Variants in DPYD observed in about 807,000 individuals in gnomAD.
DPYD encodes dihydropyrimidine dehydrogenase, also known as dihydropyrimidine dehydrogenase [NADP(+)].
Under a neutral mutation model 116.2 loss-of-function variants are expected in DPYD, and 109 were observed. That is an observed-to-expected ratio of 0.94 (90% CI 0.80 to 1.10). The LOEUF is 1.10. Ranked by LOEUF, DPYD falls within the 50% of genes least tolerant of loss-of-function variation. The pLI is 0.00. For synonymous variants in DPYD, 440 were observed against 432.0 expected (o/e 1.02, Z -0.23); for missense variants, 1,302 against 1,254.5 (o/e 1.04, Z -0.57).
intron 3 of DPYD, among the ~76,000 whole-genome samples, chr1:97,762,930 T>A (rs1439230125): frequency 2.6e-5 from 4 of 152,074 alleles, no homozygotes; most frequent in Non-Finnish European, 5.9e-5. Flanking sequence ...ACTTTCTTAA[T>A]CTGTATTAAG....
chr1:97,311,769 T>G (rs1369262602), intron 16 of DPYD, among the ~76,000 whole-genome samples: 1 of 151,822 alleles, frequency 6.6e-6, no homozygotes, highest in Non-Finnish European at 1.5e-5. Flanking sequence ...ACACTAGAGC[T>G]ATATACAATG....
intron 19 of DPYD, among the ~76,000 whole-genome samples, chr1:97,209,025 C>G (rs1659862323): frequency 6.6e-6 from 1 of 151,958 alleles, no homozygotes; most frequent in Non-Finnish European, 1.5e-5. Context: ...GCTCCAGGAC[C>G]AAAATGATCA....
At chr1:97,671,494 C>T (rs1363812515) in intron 8 of DPYD, among the ~76,000 whole-genome samples, 1 of 152,022 alleles carries the variant, frequency 6.6e-6, no homozygotes, top group Non-Finnish European at 1.5e-5. Context: ...TATGTCTTTG[C>T]ATTTTGTCAA....
intron 8 of DPYD, among the ~76,000 whole-genome samples, chr1:97,613,482 T>A (rs1276574624): frequency 6.6e-6 from 1 of 151,930 alleles, no homozygotes; most frequent in Non-Finnish European, 1.5e-5. Flanking sequence ...TATTGGGTGG[T>A]TTCACTCACA....
chr1:97,704,873 T>A (rs2100986156), intron 5 of DPYD, among the ~76,000 whole-genome samples: 1 of 152,140 alleles, frequency 6.6e-6, no homozygotes, highest in South Asian at 2.1e-4. Context: ...CTTGTTAATA[T>A]CAGAAGAGAG....
At chr1:97,723,749 C>T (rs1170561925) in intron 4 of DPYD, among the ~76,000 whole-genome samples, 1 of 151,404 alleles carries the variant, frequency 6.6e-6, no homozygotes. Context: ...ATTAAGCTGT[C>T]AAAGTATAAT....
Position 97,186,662 on chromosome 1 carries a change from A to G in DPYD, c.2622+6407T>C, listed in dbSNP as rs149320399. 8.9e-4 allele frequency among the ~76,000 whole-genome samples: 135 copies of G among 152,256 alleles called. 1 individual carries two copies. Among genetic ancestry groups the G allele is most frequent in the Middle Eastern group, 3.4e-3 (1 of 294 alleles). ...TGAGGAGTTCGAGAACAGCCTGGAC[A>G]ACATGGAGGAACGCTGTCTCTACTA... On this transcript the variant is annotated intron_variant, in intron 20 of 22. Transcript: ENST00000370192.
At chr1:97,464,283 TAAAGA>T (rs1364994259) in intron 13 of DPYD, among the ~76,000 whole-genome samples, 4 of 116,072 alleles carry the variant, frequency 3.4e-5, no homozygotes, top group South Asian at 6.8e-4. Context: ...TAAAATAAAA[TAAAGA>T]AAAGAAAATT....
intron 2 of DPYD, among the ~76,000 whole-genome samples, chr1:97,869,165 A>C (rs1471942647): frequency 1.3e-5 from 2 of 151,806 alleles, no homozygotes; most frequent in Admixed American, 1.3e-4. Context: ...GATATCTAGG[A>C]GAGAATCTGA....
chr1:97,860,118 C>T (rs544655808), intron 2 of DPYD, among the ~76,000 whole-genome samples: 4 of 152,012 alleles, frequency 2.6e-5, no homozygotes, highest in South Asian at 2.1e-4. Flanking sequence ...CAAGGCAGGC[C>T]GATCACTTGA....
intron 4 of DPYD, among the ~76,000 whole-genome samples, chr1:97,725,584 A>G (rs1409728238): frequency 6.6e-6 from 1 of 151,662 alleles, no homozygotes; most frequent in East Asian, 1.9e-4. Context: ...TATGGTACTG[A>G]CATGAGGATA....
intron 14 of DPYD, among the ~76,000 whole-genome samples, chr1:97,449,346 C>T (rs764209929): frequency 6.7e-6 from 1 of 149,506 alleles, no homozygotes; most frequent in Non-Finnish European, 1.5e-5. Context: ...TTGAAAGAGA[C>T]AGAGAATTGA....
At chr1:97,654,293 A>C (rs189872261) in intron 8 of DPYD, among the ~76,000 whole-genome samples, 22 of 152,330 alleles carry the variant, frequency 1.4e-4, no homozygotes, top group Non-Finnish European at 2.4e-4. Context: ...AAATTATTAG[A>C]AATCAATATC....
chr1:97,403,681 C>T (rs763521626), intron 14 of DPYD, among the ~76,000 whole-genome samples: 11 of 151,994 alleles, frequency 7.2e-5, no homozygotes, highest in Non-Finnish European at 1.5e-4. Context: ...ATATTATTAA[C>T]TTATGTCCTC....
chr1:97,828,032 G>C (rs1669325349), intron 3 of DPYD, 82 bp downstream of exon 3: 1 of 1,289,478 alleles, frequency 7.8e-7, no homozygotes. Context: ...TGGTGGCAAT[G>C]AACTCATTTG....
intron 3 of DPYD, among the ~76,000 whole-genome samples, chr1:97,746,159 G>T (rs898155063): frequency 6.6e-6 from 1 of 152,048 alleles, no homozygotes; most frequent in Non-Finnish European, 1.5e-5. Flanking sequence ...AAAGTGACTT[G>T]TCCTAAATCT....
At chr1:97,235,055 A>G in intron 18 of DPYD, 61 bp from the exon 19 acceptor site, 2 of 1,587,216 alleles carry the variant, frequency 1.3e-6, no homozygotes, top group Admixed American at 1.7e-5. Flanking sequence ...ACTGTCTTAT[A>G]TTACTTCTAT....
At position 97,130,748 on chromosome 1, in the gene DPYD, TCTCC is replaced by T. The variant is rs1364845676; in HGVS notation, c.2623-32120_2623-32117del. 2.0e-4 allele frequency among the ~76,000 whole-genome samples: 11 copies of T among 55,694 alleles called. 1 individual carries two copies. The highest frequency in any genetic ancestry group is 8.0e-4 in the African/African-American group (9 of 11,246). The allele number at this position is 55,694 out of a possible 152,430, so 36.5% of individuals were successfully genotyped here. Reference sequence around the variant, plus strand: ...TTTCTTTCTTCCTTTCTTTCTTCTTTCTCCCTTCCTTCCTTCCTTCCTTCCTTCC... The same window carrying T: ...TTTCTTTCTTCCTTTCTTTCTTCTTTCTTCCTTCCTTCCTTCCTTCCTTCC... On this transcript the variant is annotated intron_variant, in intron 20 of 22. Transcript: ENST00000370192.
At chr1:97,397,148 C>T (rs1380115492) in intron 14 of DPYD, among the ~76,000 whole-genome samples, 1 of 151,792 alleles carries the variant, frequency 6.6e-6, no homozygotes, top group South Asian at 2.1e-4. Context: ...TTAAACCTTC[C>T]GTTTCATCCC....
Sources: allele counts gnomAD v4.1 joint callset (sites outside exome capture counted in the v4.1 genomes callset), GRCh38; gene constraint gnomAD v4.1.1; transcripts MANE v1.5; gene names NCBI Gene and HGNC (gene_info 2026-07-23, HGNC 2026-07-21).